Variants in COL22A1 observed in about 807,000 individuals in gnomAD.
The protein encoded by COL22A1 is collagen type XXII alpha 1 chain.
A neutral mutation model predicts 248.9 loss-of-function variants in COL22A1; 221 were observed. The ratio of observed to expected loss-of-function variants is 0.89; its 90% CI spans 0.80 to 0.99. The LOEUF (loss-of-function observed/expected upper bound fraction) is 0.99. Among genes scored for constraint, COL22A1 ranks in the 50% least tolerant of loss-of-function variants. The pLI is 0.00. For missense variants in COL22A1, 2,240 were observed against 2,179.0 expected, an observed-to-expected ratio of 1.03 and a Z score of -0.56; for synonymous variants, 891 against 793.4, an observed-to-expected ratio of 1.12 and a Z score of -2.07.
chr8:138,890,893 T>C (rs1825017574), intron 1 of COL22A1, among the ~76,000 whole-genome samples: 1 of 149,846 alleles, frequency 6.7e-6, no homozygotes. Flanking sequence ...CATGGCAGCA[T>C]GAGCCTGTAG....
intron 63 of COL22A1, among the ~76,000 whole-genome samples, chr8:138,592,303 A>G (rs951722356): frequency 6.6e-5 from 10 of 152,164 alleles, no homozygotes; most frequent in African/African-American, 2.4e-4. Flanking sequence ...TTTTAAATCA[A>G]TCACTTGTTT....
chr8:138,621,581 T>C (rs1162270234), intron 52 of COL22A1, among the ~76,000 whole-genome samples: 2 of 152,194 alleles, frequency 1.3e-5, no homozygotes, highest in Non-Finnish European at 2.9e-5. Flanking sequence ...GAAAGGTCAA[T>C]GCACTGCTCT....
chr8:138,868,110 G>A (rs982172203), intron 3 of COL22A1, among the ~76,000 whole-genome samples: 6 of 152,168 alleles, frequency 3.9e-5, no homozygotes, highest in African/African-American at 1.4e-4. Context: ...AGACTAGCTT[G>A]TCAAAATAAA....
intron 1 of COL22A1, among the ~76,000 whole-genome samples, chr8:138,891,048 T>A (rs1165445893): frequency 1.3e-5 from 2 of 151,948 alleles, no homozygotes; most frequent in Non-Finnish European, 2.9e-5. Flanking sequence ...TGTGTTCCTG[T>A]ACACCAGCAA....
chr8:138,608,831 C>T (rs1038952249), intron 56 of COL22A1, among the ~76,000 whole-genome samples: 1 of 152,100 alleles, frequency 6.6e-6, no homozygotes, highest in Non-Finnish European at 1.5e-5. Context: ...TGTGTCTTTA[C>T]CTGGCTCTCT....
chr8:138,745,938 AAAGAGAAATGCAG>A (rs1832066089), intron 22 of COL22A1, among the ~76,000 whole-genome samples: 1 of 152,216 alleles, frequency 6.6e-6, no homozygotes, highest in Non-Finnish European at 1.5e-5. Context: ...AAAGCCTTGG[AAAGAGAAATGCAG>A]TCCTTCTCTA....
At chr8:138,709,091 C>A (rs977500354) in intron 30 of COL22A1, among the ~76,000 whole-genome samples, 1 of 152,112 alleles carries the variant, frequency 6.6e-6, no homozygotes, top group Non-Finnish European at 1.5e-5. Context: ...CAATGAGATA[C>A]CATCTCACAC....
At chr8:138,598,086 G>A (rs1351209220) in intron 61 of COL22A1, among the ~76,000 whole-genome samples, 1 of 152,192 alleles carries the variant, frequency 6.6e-6, no homozygotes, top group Non-Finnish European at 1.5e-5. Flanking sequence ...TTCCACCAGG[G>A]GATCTCTGCG....
chr8:138,730,501 T>C (rs1406657486), intron 23 of COL22A1, among the ~76,000 whole-genome samples: 3 of 152,082 alleles, frequency 2.0e-5, no homozygotes, highest in African/African-American at 7.2e-5. Context: ...AGGCCTCTGG[T>C]GTCCCGGGAA....
chr8:138,818,927 G>A (rs1434913813), intron 7 of COL22A1, among the ~76,000 whole-genome samples: 1 of 152,128 alleles, frequency 6.6e-6, no homozygotes, highest in Admixed American at 6.5e-5. Flanking sequence ...ACAAAGCCTG[G>A]AAAACATGAA....
At chr8:138,720,973 G>A (rs934293967) in intron 26 of COL22A1, among the ~76,000 whole-genome samples, 181 bp from the exon 27 acceptor site, 2 of 152,152 alleles carry the variant, frequency 1.3e-5, no homozygotes, top group Non-Finnish European at 2.9e-5. Flanking sequence ...AGCCTCCTAG[G>A]TTCCATATTC....
intron 42 of COL22A1, among the ~76,000 whole-genome samples, chr8:138,662,908 G>A (rs763684474): frequency 4.6e-5 from 7 of 151,286 alleles, no homozygotes; most frequent in East Asian, 3.9e-4. Flanking sequence ...TCCAGCTACC[G>A]GGGAGGGCGA....
At chr8:138,725,510 G>T (rs1287918437) in intron 23 of COL22A1, 70 bp from the exon 24 acceptor site, 1 of 1,313,818 alleles carries the variant, frequency 7.6e-7, no homozygotes, top group Non-Finnish European at 1.1e-6. Context: ...GTGGGCATTT[G>T]AAAGAGGCAA....
intron 1 of COL22A1, among the ~76,000 whole-genome samples, chr8:138,904,267 T>C (rs1814828092): frequency 6.6e-6 from 1 of 152,124 alleles, no homozygotes; most frequent in Admixed American, 6.6e-5. Context: ...AGTTTAGATA[T>C]GCTTTTCCAG....
intron 22 of COL22A1, among the ~76,000 whole-genome samples, chr8:138,740,817 T>G (rs1289198783): frequency 6.6e-6 from 1 of 152,130 alleles, no homozygotes; most frequent in Non-Finnish European, 1.5e-5. Context: ...CAGAGAAGCC[T>G]CAGGGTAACA....
intron 3 of COL22A1, among the ~76,000 whole-genome samples, chr8:138,855,276 T>C (rs1821929544): frequency 6.6e-6 from 1 of 152,118 alleles, no homozygotes; most frequent in Non-Finnish European, 1.5e-5. Context: ...CCCCATAGAG[T>C]GGCAATTCTC....
Position 138,797,188 on chromosome 8 carries a change from CCACA to C in COL22A1, c.1558-335_1558-332del, listed in dbSNP as rs1317420726. Among the ~76,000 whole-genome samples, 10 of 152,138 alleles carry C rather than the reference CCACA, an allele frequency of 6.6e-5. No homozygotes were observed. In the East Asian group the frequency reaches 1.9e-3, roughly 29 times the overall value. ...AGTATAAAGTTGTGCAACAAAATCC[CCACA>C]AACAATTTTAGAATATTTTTATCAC... On this transcript the variant is annotated intron_variant, in intron 11 of 64. Transcript: ENST00000303045.
At chr8:138,724,696 A>G (rs1257594886) in intron 24 of COL22A1, 28 bp from the exon 25 acceptor site, 3 of 1,607,242 alleles carry the variant, frequency 1.9e-6, no homozygotes, top group African/African-American at 2.7e-5. Flanking sequence ...GGACCCTGTT[A>G]GCCTGGCCTG....
chr8:138,841,646 G>C (rs1344205061), intron 4 of COL22A1, among the ~76,000 whole-genome samples: 1 of 152,172 alleles, frequency 6.6e-6, no homozygotes, highest in Non-Finnish European at 1.5e-5. Context: ...GATTCTAGGA[G>C]CCAAGGAATC....
Sources: gnomAD v4.1 joint callset for allele counts (sites outside exome capture counted in the v4.1 genomes callset) on GRCh38, gnomAD v4.1.1 for gene constraint, MANE v1.5 for transcripts, NCBI Gene and HGNC (gene_info 2026-07-23, HGNC 2026-07-21) for gene names.